CARNS1: variants seen among roughly 807,000 people sequenced by gnomAD.
CARNS1 encodes ATP-grasp domain containing 1.
In CARNS1, 61 loss-of-function variants were observed where a neutral mutation model predicts 74.0. That is an observed-to-expected ratio of 0.82 (90% CI 0.67 to 1.02). CARNS1 has a LOEUF of 1.02. Among genes scored for constraint, CARNS1 ranks in the 50% least tolerant of loss-of-function variants. The pLI is 0.00. For synonymous variants in CARNS1, 568 were observed against 605.5 expected, an observed-to-expected ratio of 0.94 and a Z score of 0.91; for missense variants, 1,278 against 1,308.4, an observed-to-expected ratio of 0.98 and a Z score of 0.36.
Position 67,421,060 on chromosome 11 carries a change from G to C in CARNS1, c.1467G>C (p.Leu489=). 1 of 1,360,306 alleles carries C rather than the reference G, an allele frequency of 7.4e-7. No homozygotes were observed. Among genetic ancestry groups the C allele is most frequent in the Non-Finnish European group, 9.4e-7 (1 of 1,067,468 alleles). 84.3% of individuals were successfully genotyped at this position (1,360,306 alleles called of 1,614,324 possible). ...ALEGLWAAPR[L]GPAADEAVAA... is the part of the protein sequence containing the mutation. ...AGGGGCTGTGGGCCGCGCCGCGGCT[G>C]GGGCCGGCGGCCGACGAGGCGGTGG... The change falls in exon 9 of 10, where the codon CTG becomes CTC. Residue 489 remains leucine, a synonymous_variant. Coordinates refer to ENST00000687366, the MANE Select transcript of CARNS1 (RefSeq NM_001166222.2).
chr11:67,415,850 C>A, intron 1 of CARNS1, 87 bp downstream of exon 1: 1 of 188,666 alleles, frequency 5.3e-6, no homozygotes. Context: ...CCCGGGCGCC[C>A]GCTCCCCGCG....
intron 2 of CARNS1, 64 bp from the exon 3 acceptor site, chr11:67,417,343 C>G (rs1863567464): frequency 2.7e-5 from 35 of 1,287,752 alleles, no homozygotes; most frequent in Non-Finnish European, 3.4e-5. Context: ...GGCTTACACC[C>G]TTGGGTGACT....
chr11:67,424,601 GCAC>G lies in CARNS1; in HGVS notation c.*1_*3del, dbSNP rs1284421289. The G allele has an allele frequency of 1.2e-6, 2 of 1,601,788 alleles. No individual in the cohort carries two copies. Among genetic ancestry groups the G allele is most frequent in the African/African-American group, 2.7e-5 (2 of 74,700 alleles). On this transcript the variant is annotated 3_prime_UTR_variant, in exon 10 of 10. Transcript: ENST00000687366. ...CCCACTTCCTGTCTCACTTCAAATAGCACTGGGGTCAGGGGGCAGGGAAGCAGT... is the reference window on the plus strand; with the variant it reads ...CCCACTTCCTGTCTCACTTCAAATAGTGGGGTCAGGGGGCAGGGAAGCAGT...
rs1590963826 is a variant in CARNS1 at position 67,424,159 on chromosome 11, C to T, written c.2411C>T (p.Thr804Ile). Reference protein sequence around the residue: ...DGVFNVELKLTGAGPRLIEIN... With the variant: ...DGVFNVELKLIGAGPRLIEIN... ...GTCTTCAACGTGGAGCTCAAGCTGA[C>T]CGGGGCTGGGCCTCGGCTTATCGAG... Residue 804 changes from threonine (T) to isoleucine (I), a missense_variant, in exon 10 of 10, where the codon ACC (threonine) becomes ATC (isoleucine). Around this residue, in one of 3 missense-constraint regions of CARNS1, gnomAD observed 1,164 missense variants for 1,156.5 expected, o/e 1.01. Transcript: ENST00000687366. The T allele has an allele frequency of 6.2e-7, 1 of 1,613,768 alleles. No individual in the cohort carries two copies.
intron 9 of CARNS1, among the ~76,000 whole-genome samples, chr11:67,422,628 A>G (rs1226013936): frequency 1.3e-5 from 2 of 152,174 alleles, no homozygotes; most frequent in Admixed American, 6.5e-5. Context: ...CGCACAGCCA[A>G]TTAGACATTC....
At chr11:67,421,865 C>T (rs1351386584) in intron 9 of CARNS1, among the ~76,000 whole-genome samples, 1 of 151,920 alleles carries the variant, frequency 6.6e-6, no homozygotes, top group East Asian at 1.9e-4. Flanking sequence ...GTAGCTGAGA[C>T]TACAGGCACG....
In CARNS1 at chr11:67,418,583, G is replaced by A. The variant is rs551107070; in HGVS notation, c.364+63G>A. On this transcript the variant is annotated intron_variant, in intron 4 of 9. Coordinates refer to ENST00000687366, the MANE Select transcript of CARNS1 (RefSeq NM_001166222.2). ...GAAAGGGCAGCCCTGCCCTGGCCCA[G>A]CCACATCCCAAAATACCCGCCAACC... 4 of 1,473,040 alleles carry A rather than the reference G, an allele frequency of 2.7e-6. No individual in the cohort carries two copies. In the African/African-American group the frequency reaches 5.7e-5, roughly 21 times the overall value. The allele number at this position is 1,473,040 out of a possible 1,614,324, so 91.2% of individuals were successfully genotyped here. A position where few individuals can be genotyped will look rare whatever the true frequency, so the allele number is the denominator to read the frequency against.
In CARNS1 at chr11:67,423,487, C is replaced by T. The variant is rs766729488; in HGVS notation, c.1739C>T (p.Ala580Val). 15 of 1,614,044 alleles carry T rather than the reference C, an allele frequency of 9.3e-6. No individual in the cohort carries two copies. The Admixed American group carries it at 2.5e-4, about 27-fold the overall frequency. The change falls in exon 10 of 10, where the codon GCA becomes GTA. Residue 580 changes from alanine to valine, a missense_variant. This residue lies in a region of CARNS1 where 1,164 missense variants were observed against 1,156.5 expected (regional missense o/e 1.01). Transcript: ENST00000687366. The surrounding 1 kb of genome is among the most constrained non-coding windows in gnomAD (Gnocchi z 5.1). The stretch of plus-strand genomic sequence containing the variant: ...GATGAGGAGAACGCACGGCTGCTGG[C>T]AGAGTTGGTGCGGGCTCGCGGCCTC... Reference protein sequence around the residue: ...RRDEENARLLAELVRARGLKL... With the variant: ...RRDEENARLLVELVRARGLKL...
chr11:67,416,359 G>A (rs1863544953), intron 2 of CARNS1, 157 bp downstream of exon 2: 1 of 1,460,046 alleles, frequency 6.8e-7, no homozygotes, highest in Non-Finnish European at 9.0e-7. Context: ...CCCTGCGGCT[G>A]CATCCTGGGA....
At chr11:67,417,187 C>T in intron 2 of CARNS1, 1 of 1,225,036 alleles carries the variant, frequency 8.2e-7, no homozygotes, top group Non-Finnish European at 1.0e-6. Context: ...CTGCCCTCCC[C>T]CCAGGGGCAC....
rs951052881 is a variant in CARNS1, at chr11:67,421,288, CG to C, written c.1626+73del. The C allele has an allele frequency of 1.7e-3, 2,285 of 1,346,490 alleles. 9 individuals carry two copies. Among genetic ancestry groups the C allele is most frequent in the Non-Finnish European group, 1.6e-3 (1,710 of 1,051,670 alleles). 83.4% of individuals were successfully genotyped at this position (1,346,490 alleles called of 1,614,324 possible). A position where few individuals can be genotyped will look rare whatever the true frequency, so the allele number is the denominator to read the frequency against. Reference sequence around the variant, plus strand: ...GAGTGGTGGAGGCGGGACCCCGGGGCGGGGCCTGGAGCAAAGGGGCGTCCTT... The same window carrying C: ...GAGTGGTGGAGGCGGGACCCCGGGGCGGGCCTGGAGCAAAGGGGCGTCCTT... On this transcript the variant is annotated intron_variant, in intron 9 of 9. Transcript: ENST00000687366.
Position 67,417,530 on chromosome 11 carries a change from CGCCAGGACGTGG to C in CARNS1, c.131_142del (p.Gln44_Gly47del), listed in dbSNP as rs1565134205. On this transcript the variant is annotated inframe_deletion, in exon 3 of 10. Coordinates refer to ENST00000687366, the MANE Select transcript of CARNS1 (RefSeq NM_001166222.2). ...CACAGGCTGCTTCCCTGGCTCCTGGCGCCAGGACGTGGGCCTGGACTGCAAGGGATCCCCCGA... is the reference window on the plus strand; with the variant it reads ...CACAGGCTGCTTCCCTGGCTCCTGGCGCCTGGACTGCAAGGGATCCCCCGA... 7.0e-7 allele frequency: 1 copy of C among 1,421,438 alleles called. No individual in the cohort carries two copies. The highest frequency in any genetic ancestry group is 9.2e-7 in the Non-Finnish European group (1 of 1,090,590). 88.1% of individuals were successfully genotyped at this position (1,421,438 alleles called of 1,614,324 possible).
intron 2 of CARNS1, chr11:67,417,120 T>C: frequency 8.5e-7 from 1 of 1,177,600 alleles, no homozygotes; most frequent in Non-Finnish European, 1.0e-6. Flanking sequence ...TGAAGCAAGC[T>C]AAGGCGGAGC....
intron 4 of CARNS1, 72 bp downstream of exon 4, chr11:67,418,592 C>T (rs1863607393): frequency 6.9e-7 from 1 of 1,457,188 alleles, no homozygotes; most frequent in African/African-American, 1.4e-5. Flanking sequence ...AGCCACATCC[C>T]AAAATACCCG....
chr11:67,419,426 T>G (rs1590958795), intron 5 of CARNS1, 61 bp from the exon 6 acceptor site: 1 of 1,573,836 alleles, frequency 6.4e-7, no homozygotes. Flanking sequence ...GTGGCGGAAG[T>G]GCCCCACCCT....
chr11:67,416,546 T>C (rs1412960355), intron 2 of CARNS1: 3 of 1,135,548 alleles, frequency 2.6e-6, no homozygotes, highest in Non-Finnish European at 3.3e-6. Flanking sequence ...AACCAAGAGA[T>C]TCTCTTCGTC....
intron 1 of CARNS1, 149 bp from the exon 2 acceptor site, chr11:67,416,027 C>T (rs1220645363): frequency 1.7e-5 from 11 of 654,190 alleles, no homozygotes; most frequent in Admixed American, 2.1e-5. Flanking sequence ...TCCCTACCTT[C>T]GGGGTGGGGG....
Position 67,420,801 on chromosome 11 carries a change from G to C in CARNS1, c.1306G>C (p.Glu436Gln). The C allele has an allele frequency of 8.1e-7, 1 of 1,229,140 alleles. No homozygotes were observed. The highest frequency in any genetic ancestry group is 1.0e-6 in the Non-Finnish European group (1 of 987,414). The allele number at this position is 1,229,140 out of a possible 1,614,324, so 76.1% of individuals were successfully genotyped here. Residue 436 changes from glutamate (E) to glutamine (Q), a missense_variant, in exon 8 of 10, where the codon GAG (glutamate) becomes CAG (glutamine). Physicochemically the swap from Glu to Gln is conservative, Grantham distance 29. Coordinates refer to ENST00000687366, the MANE Select transcript of CARNS1 (RefSeq NM_001166222.2). ...VLALEAGLSA[E>Q]QRGGRRAHTD... ...GGCTCTGGAGGCCGGCCTGAGTGCC[G>C]AGCAGCGCGGCGGGCGCCGGGCGCA...
chr11:67,417,022 CACTT>C (rs1171680274), intron 2 of CARNS1: 6 of 1,012,440 alleles, frequency 5.9e-6, no homozygotes, highest in Admixed American at 5.9e-5. Flanking sequence ...AGTCAACAAA[CACTT>C]ACTGAGAAGT....
Sources: allele counts gnomAD v4.1 joint callset (sites outside exome capture counted in the v4.1 genomes callset), GRCh38; gene constraint gnomAD v4.1.1; regional missense constraint gnomAD v4.1.1; non-coding constraint Gnocchi (gnomAD v3.1); transcripts MANE v1.5; gene names NCBI Gene and HGNC (gene_info 2026-07-23, HGNC 2026-07-21).